Variants in BARX2 observed in about 807,000 individuals in gnomAD.
BARX2 encodes BARX homeobox 2, also known as homeobox protein BarH-like 2.
BARX2 carries 11 observed loss-of-function variants against 25.5 expected under a neutral mutation model. The ratio of observed to expected loss-of-function variants is 0.43; its 90% confidence interval spans 0.27 to 0.71. The LOEUF (loss-of-function observed/expected upper bound fraction) is 0.71. BARX2 is among the 30% of genes least tolerant of loss of function. The pLI is 0.19. For missense variants in BARX2, 360 were observed against 359.9 expected, an observed-to-expected ratio of 1.00 and a Z score of 0.00; for synonymous variants, 137 against 149.5, an observed-to-expected ratio of 0.92 and a Z score of 0.61.
At chr11:129,400,429 T>C (rs1861763990) in intron 1 of BARX2, among the ~76,000 whole-genome samples, 1 of 151,966 alleles carries the variant, frequency 6.6e-6, no homozygotes. Context: ...TAAATGAGAG[T>C]TAACCAGGAG....
chr11:129,447,172 C>A (rs918232673), intron 3 of BARX2, among the ~76,000 whole-genome samples: 2 of 152,188 alleles, frequency 1.3e-5, no homozygotes, highest in Non-Finnish European at 2.9e-5. Context: ...AGTTTCCTAT[C>A]TGAAAAGTAG....
intron 1 of BARX2, among the ~76,000 whole-genome samples, chr11:129,432,172 T>A (rs1434576750): frequency 6.6e-6 from 1 of 152,084 alleles, no homozygotes; most frequent in African/African-American, 2.4e-5. Flanking sequence ...AAGGGATTCT[T>A]ATGACTCAGC....
chr11:129,386,812 T>C (rs1459878150), intron 1 of BARX2, among the ~76,000 whole-genome samples: 2 of 152,238 alleles, frequency 1.3e-5, no homozygotes, highest in African/African-American at 2.4e-5. Context: ...AAAGTATTAG[T>C]GTGGAGGAAA....
intron 1 of BARX2, among the ~76,000 whole-genome samples, chr11:129,381,065 G>A (rs1049882395): frequency 3.3e-5 from 5 of 152,270 alleles, no homozygotes; most frequent in South Asian, 2.1e-4. Context: ...ATGAGCCATC[G>A]CGCCCGCTGT....
chr11:129,435,044 A>G (rs1309608887), intron 1 of BARX2, among the ~76,000 whole-genome samples: 1 of 152,238 alleles, frequency 6.6e-6, no homozygotes, highest in Non-Finnish European at 1.5e-5. Flanking sequence ...GAAGTGACAG[A>G]CTTAAAGGAG....
chr11:129,376,072 G>A lies in BARX2; in HGVS notation c.37G>A (p.Gly13Ser), dbSNP rs769130530. Reference protein sequence around the residue: ...CHAELRLSSPGQLKAARRRYK... With the variant: ...CHAELRLSSPSQLKAARRRYK... ...CGCCGAGCTGAGGCTGAGCTCGCCC[G>A]GCCAGCTCAAAGCAGCCAGGCGGCG... The change falls in exon 1 of 4, where the codon GGC (glycine) becomes AGC (serine). Residue 13 changes from glycine (G) to serine (S), a missense_variant. Physicochemically the swap from Gly to Ser is moderately conservative, Grantham distance 56. Around this residue, in one of 3 missense-constraint regions of BARX2, gnomAD observed 240 missense variants for 228.7 expected, o/e 1.05. Coordinates refer to ENST00000281437, the MANE Select transcript of BARX2 (RefSeq NM_003658.5). This position sits in a 1 kb window ranked among gnomAD's most constrained non-coding sequence, Gnocchi z 4.2. 1.2e-6 allele frequency: 2 copies of A among 1,607,042 alleles called. No individual in the cohort carries two copies. The highest frequency in any genetic ancestry group is 2.7e-5 in the African/African-American group (2 of 74,200).
At chr11:129,429,349 C>G (rs1277950836) in intron 1 of BARX2, among the ~76,000 whole-genome samples, 3 of 151,864 alleles carry the variant, frequency 2.0e-5, no homozygotes, top group South Asian at 2.1e-4. Context: ...CTGGGCAACA[C>G]AGGGAGACCC....
intron 1 of BARX2, among the ~76,000 whole-genome samples, chr11:129,379,771 T>C (rs1861541739): frequency 1.4e-5 from 2 of 146,316 alleles, no homozygotes; most frequent in Non-Finnish European, 3.0e-5. Flanking sequence ...TAAATGAACC[T>C]ATGGTACTAA....
intron 2 of BARX2, among the ~76,000 whole-genome samples, chr11:129,441,160 AC>A (rs1862252573): frequency 6.6e-6 from 1 of 152,068 alleles, no homozygotes; most frequent in South Asian, 2.1e-4. Context: ...TACTTGTCCC[AC>A]CCGGTTGTTT....
intron 2 of BARX2, among the ~76,000 whole-genome samples, chr11:129,441,254 C>A (rs1022963083): frequency 5.9e-5 from 9 of 152,018 alleles, no homozygotes; most frequent in African/African-American, 2.2e-4. Context: ...GGTGTGAGCC[C>A]CAATGCAGGA....
At chr11:129,375,635 C>A (rs1861493239), upstream of BARX2, among the ~76,000 whole-genome samples, 3 of 151,976 alleles carry the variant, frequency 2.0e-5, no homozygotes, top group Admixed American at 2.0e-4. This position sits in a 1 kb window ranked among gnomAD's most constrained non-coding sequence, Gnocchi z 4.0. Flanking sequence ...AAATAGAGAG[C>A]CAGGCAGAGG....
intron 1 of BARX2, among the ~76,000 whole-genome samples, chr11:129,403,062 T>C (rs1861794179): frequency 6.6e-6 from 1 of 152,238 alleles, no homozygotes; most frequent in Non-Finnish European, 1.5e-5. Flanking sequence ...GGAATACTAA[T>C]GGTGTCCTTG....
intron 1 of BARX2, among the ~76,000 whole-genome samples, chr11:129,395,345 A>G (rs779141610): frequency 6.6e-5 from 10 of 152,196 alleles, no homozygotes; most frequent in Non-Finnish European, 1.2e-4. Context: ...GACCAGCACT[A>G]CCCTTGAAGG....
intron 1 of BARX2, among the ~76,000 whole-genome samples, chr11:129,405,924 C>T (rs1028412516): frequency 5.9e-5 from 9 of 152,146 alleles, no homozygotes; most frequent in African/African-American, 2.2e-4. Flanking sequence ...GCTCTTGCTG[C>T]TGATTTCTAG....
At chr11:129,448,678 G>C (rs555761613) in intron 3 of BARX2, among the ~76,000 whole-genome samples, 2 of 152,166 alleles carry the variant, frequency 1.3e-5, no homozygotes, top group Non-Finnish European at 1.5e-5. Context: ...TGGCTGGAAC[G>C]TAAAATAGTG....
At position 129,436,621 on chromosome 11, in the gene BARX2, C is replaced by T. The variant is rs1000650995; in HGVS notation, c.188-130C>T. On this transcript the variant is annotated intron_variant, in intron 1 of 3. Coordinates refer to ENST00000281437, the MANE Select transcript of BARX2 (RefSeq NM_003658.5). This position sits in a 1 kb window ranked among gnomAD's most constrained non-coding sequence, Gnocchi z 4.5. ...CTTGAGTTACCTCTCCTTCCCCTTCCTCCATCTGTACCTCCTTAAGAGCAG... is the reference window on the plus strand; with the variant it reads ...CTTGAGTTACCTCTCCTTCCCCTTCTTCCATCTGTACCTCCTTAAGAGCAG... 12 of 1,012,576 alleles carry T rather than the reference C, an allele frequency of 1.2e-5. No individual in the cohort carries two copies. Among genetic ancestry groups the T allele is most frequent in the Middle Eastern group, 3.3e-4 (1 of 3,022 alleles). The allele number at this position is 1,012,576 out of a possible 1,614,324, so 62.7% of individuals were successfully genotyped here. A position where few individuals can be genotyped will look rare whatever the true frequency, so the allele number is the denominator to read the frequency against.
intron 1 of BARX2, among the ~76,000 whole-genome samples, chr11:129,415,429 T>C (rs1164492708): frequency 6.9e-6 from 1 of 144,502 alleles, no homozygotes; most frequent in Non-Finnish European, 1.5e-5. Context: ...CTTACAGGAC[T>C]ATTCTAGGCA....
chr11:129,451,392 C>T lies in BARX2; in HGVS notation c.830C>T (p.Pro277Leu), dbSNP rs1462027778. ...CCAATACCCTCTTCGGAACCCCCAC[C>T]ATTAAGCTAAAGTAAAACCCTTTTG... ...ELPIPSSEPP[P>L]LS The change falls in exon 4 of 4, where the codon CCA becomes CTA. Residue 277 changes from proline to leucine, a missense_variant. Physicochemically the swap from Pro to Leu is moderately conservative, Grantham distance 98. Coordinates refer to ENST00000281437, the MANE Select transcript of BARX2 (RefSeq NM_003658.5). 1.9e-6 allele frequency: 3 copies of T among 1,613,044 alleles called. No homozygotes were observed. In the South Asian group the frequency reaches 3.3e-5, roughly 18 times the overall value.
intron 3 of BARX2, among the ~76,000 whole-genome samples, chr11:129,446,529 C>A (rs924936489): frequency 6.6e-6 from 1 of 152,084 alleles, no homozygotes; most frequent in African/African-American, 2.4e-5. Flanking sequence ...TAGGATACAG[C>A]CAAGAGATGT....
Sources: allele counts gnomAD v4.1 joint callset (sites outside exome capture counted in the v4.1 genomes callset), GRCh38; gene constraint gnomAD v4.1.1; regional missense constraint gnomAD v4.1.1; non-coding constraint Gnocchi (gnomAD v3.1); transcripts MANE v1.5; gene names NCBI Gene and HGNC (gene_info 2026-07-23, HGNC 2026-07-21).